Variants in GRIK4 observed in about 807,000 individuals in gnomAD.
GRIK4 encodes the protein glutamate ionotropic receptor kainate type subunit 4, also known as glutamate receptor ionotropic, kainate 4.
A neutral mutation model predicts 104.9 loss-of-function variants in GRIK4; 40 were observed. That is an observed-to-expected ratio of 0.38 (90% CI 0.30 to 0.50). GRIK4 has a LOEUF of 0.50. Among genes scored for constraint, GRIK4 ranks in the 20% least tolerant of loss-of-function variants. The pLI is 0.93. For missense variants in GRIK4, 1,047 were observed against 1,308.1 expected (o/e 0.80, Z 3.08); for synonymous variants, 485 against 524.9 (o/e 0.92, Z 1.04).
chr11:120,722,078 A>G (rs1014684758), intron 3 of GRIK4, among the ~76,000 whole-genome samples: 4 of 152,178 alleles, frequency 2.6e-5, no homozygotes, highest in African/African-American at 9.7e-5. Context: ...CCTGGGGTCC[A>G]GTGTAGCAGG....
At chr11:120,676,237 A>G (rs1195646315) in intron 3 of GRIK4, among the ~76,000 whole-genome samples, 3 of 152,190 alleles carry the variant, frequency 2.0e-5, no homozygotes, top group African/African-American at 7.2e-5. Context: ...CAGCTGGGAA[A>G]GGTTCTCCAA....
At chr11:120,592,946 G>T (rs967026379) in intron 1 of GRIK4, among the ~76,000 whole-genome samples, 3 of 152,146 alleles carry the variant, frequency 2.0e-5, no homozygotes, top group African/African-American at 7.2e-5. Flanking sequence ...ACTTTGGGAG[G>T]CCCAGGCGGG....
intron 1 of GRIK4, among the ~76,000 whole-genome samples, chr11:120,593,891 A>T (rs901651367): frequency 1.3e-5 from 2 of 151,776 alleles, no homozygotes; most frequent in African/African-American, 4.8e-5. Flanking sequence ...CCGTTCTCTC[A>T]CTCTCCACAT....
At chr11:120,836,982 AGGGCGTCCT>A in intron 8 of GRIK4, 138 bp downstream of exon 8, 1 of 611,222 alleles carries the variant, frequency 1.6e-6, no homozygotes, top group Non-Finnish European at 2.9e-6. Context: ...CCAGAGAGGC[AGGGCGTCCT>A]GGAAATTCTC....
chr11:120,832,153 C>G (rs978978974), intron 7 of GRIK4, 123 bp downstream of exon 7: 27 of 588,896 alleles, frequency 4.6e-5, no homozygotes, highest in Non-Finnish European at 7.1e-5. Flanking sequence ...TTACAAACCT[C>G]TCTCTGTGCT....
At chr11:120,642,084 T>C (rs1465448654) in intron 1 of GRIK4, among the ~76,000 whole-genome samples, 1 of 152,246 alleles carries the variant, frequency 6.6e-6, no homozygotes, top group Non-Finnish European at 1.5e-5. Context: ...TGGCTACCTG[T>C]GTGTTTTTCC....
chr11:120,825,178 A>G (rs1252543945), intron 6 of GRIK4, among the ~76,000 whole-genome samples: 1 of 151,946 alleles, frequency 6.6e-6, no homozygotes, highest in Non-Finnish European at 1.5e-5. Context: ...CGCCCACCTC[A>G]GCCTCCCAAA....
intron 1 of GRIK4, among the ~76,000 whole-genome samples, chr11:120,628,818 A>C (rs17124103): frequency 0.023 from 3,555 of 152,280 alleles, 237 homozygotes; most frequent in East Asian, 0.2. Context: ...TTATACCGTG[A>C]AAAATAAATG....
chr11:120,843,661 C>T lies in GRIK4; in HGVS notation c.744+6817C>T, dbSNP rs149864181. The stretch of plus-strand genomic sequence containing the variant: ...CAAGTTGAGACCCTCTTCACTCTAC[C>T]GCCTGTATCTGGGTGAGCTATTTTA... On this transcript the variant is annotated intron_variant, in intron 8 of 20. Transcript: ENST00000527524. 9.3e-3 allele frequency among the ~76,000 whole-genome samples: 1,413 copies of T among 151,862 alleles called. 6 individuals carry two copies. Among genetic ancestry groups the T allele is most frequent in the Non-Finnish European group, 0.015 (1,038 of 67,978 alleles).
intron 9 of GRIK4, chr11:120,870,730 T>C (rs1048150203): frequency 7.1e-5 from 4 of 56,572 alleles, no homozygotes; most frequent in Non-Finnish European, 1.3e-4. Context: ...AGATGAGTGG[T>C]TTTTTTTTTT....
intron 3 of GRIK4, 22 bp downstream of exon 3, chr11:120,660,422 G>C (rs1437625262): frequency 6.4e-7 from 1 of 1,572,268 alleles, no homozygotes; most frequent in Non-Finnish European, 8.7e-7. Flanking sequence ...CCAGCTTGGG[G>C]CAGTGCCCCC....
intron 13 of GRIK4, among the ~76,000 whole-genome samples, chr11:120,917,269 A>AAAAAAAAAAAAG (rs1463389337): frequency 1.4e-5 from 2 of 138,286 alleles, no homozygotes; most frequent in Non-Finnish European, 3.0e-5. Flanking sequence ...AAAAAAAAAA[A>AAAAAAAAAAAAG]AAAGAAAGAA....
At chr11:120,898,394 C>T in intron 11 of GRIK4, 138 bp from the exon 12 acceptor site, 2 of 598,636 alleles carry the variant, frequency 3.3e-6, no homozygotes, top group South Asian at 4.0e-5. Context: ...CTCCCTTCTG[C>T]AGTTCAGCCC....
intron 3 of GRIK4, among the ~76,000 whole-genome samples, chr11:120,695,104 G>C (rs1205257017): frequency 6.6e-6 from 1 of 152,188 alleles, no homozygotes; most frequent in African/African-American, 2.4e-5. Context: ...CAAAGAGGGG[G>C]AGCCAGGGAT....
chr11:120,844,724 A>C (rs1465759634), intron 8 of GRIK4, among the ~76,000 whole-genome samples: 1 of 152,174 alleles, frequency 6.6e-6, no homozygotes, highest in Non-Finnish European at 1.5e-5. Flanking sequence ...CTCCATCTGG[A>C]ATACCCTTCC....
intron 3 of GRIK4, among the ~76,000 whole-genome samples, chr11:120,740,725 T>A (rs756562914): frequency 1.3e-5 from 2 of 152,196 alleles, no homozygotes; most frequent in Non-Finnish European, 2.9e-5. Flanking sequence ...GCATTGTCCC[T>A]TTGCTTCTCT....
rs145284883 is a variant in GRIK4 at position 120,788,559 on chromosome 11, T to C, written c.83-14134T>C. ...TCTGTGTCAAACATAGGGTGTCATA[T>C]GAGTAAAAGGAAAAAAAGGAGAAGG... On this transcript the variant is annotated intron_variant, in intron 3 of 20. Transcript: ENST00000527524. Among the ~76,000 whole-genome samples the C allele has an allele frequency of 9.9e-4, 150 of 152,198 alleles. 2 individuals are homozygous for C. In the East Asian group the frequency reaches 0.026, roughly 26 times the overall value.
chr11:120,696,276 C>T (rs575417372), intron 3 of GRIK4, among the ~76,000 whole-genome samples: 62 of 152,252 alleles, frequency 4.1e-4, no homozygotes, highest in African/African-American at 1.0e-3. Context: ...GTGTCTGTCC[C>T]AGTGGCAACC....
intron 3 of GRIK4, among the ~76,000 whole-genome samples, chr11:120,701,539 T>A (rs1245218799): frequency 2.0e-5 from 3 of 152,226 alleles, no homozygotes; most frequent in Admixed American, 2.0e-4. Context: ...ACACTTAGGT[T>A]GTTTCTATAT....
Sources: gnomAD v4.1 joint callset for allele counts (sites outside exome capture counted in the v4.1 genomes callset) on GRCh38, gnomAD v4.1.1 for gene constraint, MANE v1.5 for transcripts, NCBI Gene and HGNC (gene_info 2026-07-23, HGNC 2026-07-21) for gene names.